ATRNL1: variants seen among roughly 807,000 people sequenced by gnomAD.
ATRNL1 encodes attractin-like protein 1.
A neutral mutation model predicts 182.7 loss-of-function variants in ATRNL1; 95 were observed. The observed-to-expected ratio is 0.52, with a 90% CI of 0.44 to 0.62. The LOEUF is 0.62. ATRNL1 is among the 20% of genes least tolerant of loss of function. The pLI is 0.00. For missense variants in ATRNL1, 1,471 were observed against 1,679.5 expected, an observed-to-expected ratio of 0.88 and a Z score of 2.17; for synonymous variants, 576 against 568.3, an observed-to-expected ratio of 1.01 and a Z score of -0.19.
intron 6 of ATRNL1, among the ~76,000 whole-genome samples, chr10:115,162,695 TAGAGA>T (rs1554883553): frequency 6.8e-6 from 1 of 147,436 alleles, no homozygotes; most frequent in African/African-American, 2.5e-5. Flanking sequence ...GCATTCTAGA[TAGAGA>T]AAAGGACCGG....
intron 26 of ATRNL1, among the ~76,000 whole-genome samples, chr10:115,672,267 G>T (rs1367020630): frequency 6.6e-6 from 1 of 152,012 alleles, no homozygotes; most frequent in Middle Eastern, 3.2e-3. Context: ...GGAAGCTCAG[G>T]GGTTAAGTGA....
chr10:115,407,692 C>T (rs976714973), intron 20 of ATRNL1, among the ~76,000 whole-genome samples: 12 of 152,092 alleles, frequency 7.9e-5, no homozygotes, highest in South Asian at 2.1e-4. Flanking sequence ...ATAAATATGA[C>T]GATGCAAGTA....
At chr10:115,804,871 A>G (rs544289305) in intron 27 of ATRNL1, among the ~76,000 whole-genome samples, 1 of 152,312 alleles carries the variant, frequency 6.6e-6, no homozygotes, top group South Asian at 2.1e-4. Flanking sequence ...TTGGGAATAT[A>G]TCTTAATTTC....
At chr10:115,931,764 T>A (rs1953401509) in intron 28 of ATRNL1, among the ~76,000 whole-genome samples, 1 of 152,172 alleles carries the variant, frequency 6.6e-6, no homozygotes, top group Non-Finnish European at 1.5e-5. Context: ...TCTATCTCCA[T>A]CCATCCCTTA....
chr10:115,470,414 G>C (rs1848251799), intron 24 of ATRNL1, among the ~76,000 whole-genome samples: 1 of 150,176 alleles, frequency 6.7e-6, no homozygotes, highest in Non-Finnish European at 1.5e-5. Context: ...ATAAATATTT[G>C]TTTTTAAAAT....
At chr10:115,366,392 T>C (rs1857039187) in intron 19 of ATRNL1, among the ~76,000 whole-genome samples, 1 of 152,102 alleles carries the variant, frequency 6.6e-6, no homozygotes, top group Non-Finnish European at 1.5e-5. Context: ...TCCATCCTTT[T>C]ATTTTGAGCC....
chr10:115,714,855 A>T (rs1183141821), intron 26 of ATRNL1, among the ~76,000 whole-genome samples: 1 of 152,238 alleles, frequency 6.6e-6, no homozygotes. Context: ...TTAAGTGTGA[A>T]ATATATAGAA....
At chr10:115,799,252 T>C (rs782614553) in intron 27 of ATRNL1, among the ~76,000 whole-genome samples, 6 of 152,236 alleles carry the variant, frequency 3.9e-5, no homozygotes, top group Non-Finnish European at 8.8e-5. Flanking sequence ...CTCATATTAT[T>C]AATTGTAATG....
At chr10:115,121,024 T>G (rs1554871400) in intron 2 of ATRNL1, among the ~76,000 whole-genome samples, 1 of 152,190 alleles carries the variant, frequency 6.6e-6, no homozygotes, top group Admixed American at 6.5e-5. Flanking sequence ...ACCATTTGTA[T>G]ACAACAAAAT....
intron 27 of ATRNL1, among the ~76,000 whole-genome samples, chr10:115,785,077 A>G (rs893073759): frequency 1.3e-5 from 2 of 152,214 alleles, no homozygotes; most frequent in African/African-American, 2.4e-5. Flanking sequence ...CTCATCATCT[A>G]AACCAGGTAT....
At chr10:115,219,350 A>G (rs1849356022) in intron 9 of ATRNL1, among the ~76,000 whole-genome samples, 1 of 152,076 alleles carries the variant, frequency 6.6e-6, no homozygotes, top group African/African-American at 2.4e-5. Flanking sequence ...GATAATTTTC[A>G]TCACATCTTG....
intron 5 of ATRNL1, among the ~76,000 whole-genome samples, chr10:115,148,745 T>G (rs1243609270): frequency 3.0e-5 from 2 of 65,990 alleles, no homozygotes; most frequent in South Asian, 5.0e-4. Context: ...GCCAGATGCG[T>G]TTTTTTTTTT....
rs782444504 is a variant in ATRNL1 at position 115,171,103 on chromosome 10, G to T, written c.1159G>T (p.Val387Phe). The T allele has an allele frequency of 6.3e-7, 1 of 1,599,470 alleles. No homozygotes were observed. The highest frequency in any genetic ancestry group is 8.5e-7 in the Non-Finnish European group (1 of 1,171,292). Residue 387 changes from valine to phenylalanine, a missense_variant, in exon 8 of 29, where the codon GTT becomes TTT. Val to Phe is a conservative substitution (Grantham distance 50, BLOSUM62 -1). Transcript: ENST00000355044. ...TGGCAATGTCACAGATGAATTATGG[G>T]TTTTTAACATACATAGTCAGTCATG... is the stretch of plus-strand genomic sequence containing the variant. The part of the protein sequence containing the change: ...NDGNVTDELW[V>F]FNIHSQSWST...
intron 21 of ATRNL1, among the ~76,000 whole-genome samples, chr10:115,454,613 C>G (rs1308201531): frequency 6.6e-6 from 1 of 151,922 alleles, no homozygotes; most frequent in Non-Finnish European, 1.5e-5. Context: ...AGTCTTTATT[C>G]TCTTTGGTTA....
intron 28 of ATRNL1, among the ~76,000 whole-genome samples, chr10:115,887,559 A>C (rs1483263625): frequency 6.6e-6 from 1 of 152,030 alleles, no homozygotes; most frequent in Non-Finnish European, 1.5e-5. Context: ...TAAAGGCCTC[A>C]TCTCCTAATA....
chr10:115,691,665 T>A (rs1477364757), intron 26 of ATRNL1, among the ~76,000 whole-genome samples: 1 of 152,192 alleles, frequency 6.6e-6, no homozygotes, highest in African/African-American at 2.4e-5. Context: ...TAAGTTGCAG[T>A]GAGCTGAGAT....
Position 115,137,309 on chromosome 10 carries a change from C to T in ATRNL1, c.829+7774C>T, listed in dbSNP as rs1264791. On this transcript the variant is annotated intron_variant, in intron 5 of 28. Transcript: ENST00000355044. The stretch of plus-strand genomic sequence containing the variant: ...TGCAGAGACAGAGACTGCTGTCTCC[C>T]AGCATTCATTATAGAATTCTCATTG... Among the ~76,000 whole-genome samples, 1,095 of 152,300 alleles carry T rather than the reference C, an allele frequency of 7.2e-3. 13 individuals carry two copies. Among genetic ancestry groups the T allele is most frequent in the African/African-American group, 0.025 (1,060 of 41,574 alleles).
At chr10:115,448,944 G>A (rs1847149826) in intron 21 of ATRNL1, among the ~76,000 whole-genome samples, 1 of 152,076 alleles carries the variant, frequency 6.6e-6, no homozygotes, top group Middle Eastern at 3.2e-3. Context: ...GTACAAAGAA[G>A]AGCTGGTACT....
intron 8 of ATRNL1, among the ~76,000 whole-genome samples, chr10:115,172,158 C>T (rs1847320206): frequency 1.3e-5 from 2 of 152,106 alleles, no homozygotes; most frequent in East Asian, 3.9e-4. Context: ...CACTGTTTCC[C>T]TTGCAGTCCT....
Sources: gnomAD v4.1 joint callset for allele counts (sites outside exome capture counted in the v4.1 genomes callset) on GRCh38, gnomAD v4.1.1 for gene constraint, MANE v1.5 for transcripts, NCBI Gene and HGNC (gene_info 2026-07-23, HGNC 2026-07-21) for gene names.